The following MS4A5 variants were observed in gnomAD, a reference collection of about 807,000 sequenced individuals.
MS4A5 encodes the protein membrane spanning 4-domains A5, also known as membrane-spanning 4-domains subfamily A member 5.
In MS4A5, 15 loss-of-function variants were observed where a neutral mutation model predicts 18.2. The observed-to-expected ratio is 0.83, with a 90% confidence interval of 0.55 to 1.27. MS4A5 has a LOEUF of 1.27. Among genes scored for constraint, MS4A5 ranks in the 50% most tolerant of loss-of-function variants. The probability of loss-of-function intolerance (pLI) is 0.00; values close to 1 mark genes in which losing one functional copy is unlikely to be tolerated. For synonymous variants in MS4A5, 89 were observed against 78.7 expected (o/e 1.13, Z -0.69); for missense variants, 232 against 225.7 (o/e 1.03, Z -0.18).
At chr11:60,443,401 C>T (rs896487745) in intron 4 of MS4A5, among the ~76,000 whole-genome samples, 4 of 150,566 alleles carry the variant, frequency 2.7e-5, no homozygotes, top group Admixed American at 2.0e-4. Flanking sequence ...AAAGAATTTA[C>T]AACAGACATA....
At position 60,436,185 on chromosome 11, in the gene MS4A5, A is replaced by G. The variant is rs1462532060; in HGVS notation, c.492+2268A>G. On this transcript the variant is annotated intron_variant, in intron 4 of 4. Transcript: ENST00000300190. ...GGCACACTGACACCTCACACGGCAGAGTACTCCAACAGACCTGCAGCTGAG... is the reference window on the plus strand; with the variant it reads ...GGCACACTGACACCTCACACGGCAGGGTACTCCAACAGACCTGCAGCTGAG... Among the ~76,000 whole-genome samples the G allele has an allele frequency of 3.4e-4, 51 of 151,670 alleles. 2 individuals carry two copies. The highest frequency in any genetic ancestry group is 1.7e-3 in the South Asian group (8 of 4,766).
At chr11:60,429,933 T>C in intron 1 of MS4A5, 106 bp downstream of exon 1, 1 of 1,083,088 alleles carries the variant, frequency 9.2e-7, no homozygotes, top group Non-Finnish European at 1.3e-6. Context: ...CAATTCTTCT[T>C]TAAGACAATG....
chr11:60,434,571 T>C (rs2086068624), intron 4 of MS4A5, among the ~76,000 whole-genome samples: 1 of 152,084 alleles, frequency 6.6e-6, no homozygotes, highest in Admixed American at 6.5e-5. Context: ...GAGCAGAAAA[T>C]AGGGAGACTG....
At chr11:60,441,798 C>T (rs748894051) in intron 4 of MS4A5, among the ~76,000 whole-genome samples, 32 of 151,668 alleles carry the variant, frequency 2.1e-4, no homozygotes, top group Non-Finnish European at 4.4e-4. Context: ...GTTTAAAAAA[C>T]AAAACACAAC....
chr11:60,447,429 GCTATGCTATGCTATCCTATT>G (rs879310281), intron 4 of MS4A5, among the ~76,000 whole-genome samples, 200 bp from the exon 5 acceptor site: 4 of 151,936 alleles, frequency 2.6e-5, no homozygotes, highest in African/African-American at 4.8e-5. Flanking sequence ...CCTAGGCTAT[GCTATGCTATGCTATCCTATT>G]CTATGCTATG....
At chr11:60,447,101 CTATGTTAGCTATCCTA>C in intron 4 of MS4A5, among the ~76,000 whole-genome samples, 2 of 150,332 alleles carry the variant, frequency 1.3e-5, no homozygotes, top group African/African-American at 4.9e-5. Context: ...CTATGCTATG[CTATGTTAGCTATCCTA>C]TGCTATCCTA....
At chr11:60,435,374 A>G in intron 4 of MS4A5, 1 of 446,198 alleles carries the variant, frequency 2.2e-6, no homozygotes, top group Non-Finnish European at 4.5e-6. Flanking sequence ...ATTAGAAGAG[A>G]TTTTAAAACC....
At chr11:60,442,128 AT>A (rs1346095233) in intron 4 of MS4A5, among the ~76,000 whole-genome samples, 1 of 152,238 alleles carries the variant, frequency 6.6e-6, no homozygotes, top group Non-Finnish European at 1.5e-5. Flanking sequence ...TAAATGTCAT[AT>A]ATAGAATGAA....
rs367547637 is a variant in MS4A5, at chr11:60,447,635, T to A, written c.493-14T>A. The stretch of plus-strand genomic sequence containing the variant: ...CATGACTCTTCATTTTTTTTTCTTC[T>A]TCTTCTATTACAGGGAATTTTGATT... On this transcript the variant is annotated splice_polypyrimidine_tract_variant and intron_variant, in intron 4 of 4. Coordinates refer to ENST00000300190, the MANE Select transcript of MS4A5 (RefSeq NM_023945.3). The A allele has an allele frequency of 7.7e-5, 111 of 1,437,192 alleles. No homozygotes were observed. The highest frequency in any genetic ancestry group is 1.0e-4 in the Non-Finnish European group (107 of 1,049,224). The allele number at this position is 1,437,192 out of a possible 1,614,324, so 89.0% of individuals were successfully genotyped here. A position where few individuals can be genotyped will look rare whatever the true frequency, so the allele number is the denominator to read the frequency against.
chr11:60,445,317 T>C (rs533270376), intron 4 of MS4A5, among the ~76,000 whole-genome samples: 1 of 152,106 alleles, frequency 6.6e-6, no homozygotes, highest in African/African-American at 2.4e-5. Context: ...TGGTGTGCAG[T>C]GATGTCATCT....
intron 4 of MS4A5, among the ~76,000 whole-genome samples, chr11:60,441,183 A>C (rs1474425408): frequency 7.5e-6 from 1 of 133,672 alleles, no homozygotes; most frequent in East Asian, 2.1e-4. Flanking sequence ...AAGAACAAAA[A>C]ACCAAACACC....
At chr11:60,433,981 C>A in intron 4 of MS4A5, 64 bp downstream of exon 4, 1 of 1,363,810 alleles carries the variant, frequency 7.3e-7, no homozygotes, top group South Asian at 1.3e-5. Context: ...TATTAGCACT[C>A]AATCAGCACC....
Position 60,433,890 on chromosome 11 carries a change from G to A in MS4A5, c.465G>A (p.Gln155=). The A allele has an allele frequency of 1.2e-6, 2 of 1,614,034 alleles. No individual in the cohort carries two copies. The highest frequency in any genetic ancestry group is 1.3e-5 in the African/African-American group (1 of 75,006). ...YICGYSHQNS[Q]CKAVTVLFLG... ...GTGGTTATTCTCACCAAAATAGTCA[G>A]TGTAAGGCTGTTACTGTCCTGTTCT... Residue 155 remains glutamine, a synonymous_variant, in exon 4 of 5, where the codon CAG becomes CAA. Coordinates refer to ENST00000300190, the MANE Select transcript of MS4A5 (RefSeq NM_023945.3).
chr11:60,430,690 C>A, intron 1 of MS4A5, 106 bp from the exon 2 acceptor site: 1 of 1,300,446 alleles, frequency 7.7e-7, no homozygotes, highest in Non-Finnish European at 1.1e-6. Context: ...CCCTAATTAC[C>A]AAAGAGAGTA....
intron 2 of MS4A5, 73 bp from the exon 3 acceptor site, chr11:60,432,338 T>A: frequency 1.0e-6 from 1 of 970,474 alleles, no homozygotes. Flanking sequence ...AAGAAATGCA[T>A]AGAGGTCTAT....
rs1183738874 is a variant in MS4A5, at chr11:60,432,475, A to G, written c.339+8A>G. 3.2e-6 allele frequency: 5 copies of G among 1,545,758 alleles called. No homozygotes were observed. The Admixed American group carries it at 8.6e-5, about 26-fold the overall frequency. The stretch of plus-strand genomic sequence containing the variant: ...AAAACCACAGAAACTCTGGTGAGTT[A>G]TATTCTTACTTTATTAAAAATATAT... On this transcript the variant is annotated splice_region_variant and intron_variant, in intron 3 of 4. Coordinates refer to ENST00000300190, the MANE Select transcript of MS4A5 (RefSeq NM_023945.3).
intron 2 of MS4A5, 108 bp downstream of exon 2, chr11:60,431,032 TGC>T: frequency 8.3e-7 from 1 of 1,204,918 alleles, no homozygotes; most frequent in Non-Finnish European, 1.1e-6. Flanking sequence ...CTTTCAAAAG[TGC>T]AAAAAACTAA....
intron 4 of MS4A5, 98 bp downstream of exon 4, chr11:60,434,015 T>C (rs2086065623): frequency 9.4e-7 from 1 of 1,059,574 alleles, no homozygotes; most frequent in East Asian, 2.5e-5. Flanking sequence ...TGTGGACACA[T>C]GTATTTTCTT....
chr11:60,447,665 T>C lies in MS4A5; in HGVS notation c.509T>C (p.Leu170Ser). ...TVLFLGILIT[L>S]MTFSIIELFI... ...CTATTACAGGGAATTTTGATTACAT[T>C]GATGACTTTCAGCATTATTGAATTA... Residue 170 changes from leucine to serine, a missense_variant, in exon 5 of 5, where the codon TTG (leucine) becomes TCG (serine). By Grantham distance (145) the Leu-to-Ser change is moderately radical (BLOSUM62 -2). Transcript: ENST00000300190. 3 of 1,581,378 alleles carry C rather than the reference T, an allele frequency of 1.9e-6. No individual in the cohort carries two copies. The highest frequency in any genetic ancestry group is 1.7e-6 in the Non-Finnish European group (2 of 1,168,470).
Sources: gnomAD v4.1 joint callset for allele counts (sites outside exome capture counted in the v4.1 genomes callset) on GRCh38, gnomAD v4.1.1 for gene constraint, MANE v1.5 for transcripts, NCBI Gene and HGNC (gene_info 2026-07-23, HGNC 2026-07-21) for gene names.